Variants in CCSER2 observed in about 807,000 individuals in gnomAD.
CCSER2 encodes coiled-coil serine rich protein 2.
A neutral mutation model predicts 92.3 loss-of-function variants in CCSER2; 46 were observed. The observed-to-expected ratio is 0.50, with a 90% CI of 0.39 to 0.64. The LOEUF is 0.64. CCSER2 is among the 30% of genes least tolerant of loss of function. The pLI is 0.00. For missense variants in CCSER2, 1,244 were observed against 1,238.9 expected (o/e 1.00, Z -0.06); for synonymous variants, 433 against 431.4 (o/e 1.00, Z -0.04).
intron 3 of CCSER2, among the ~76,000 whole-genome samples, chr10:84,404,483 G>A (rs796167834): frequency 3.9e-5 from 6 of 152,238 alleles, no homozygotes; most frequent in African/African-American, 1.4e-4. Flanking sequence ...TGGTACAAAC[G>A]GGATATGGAG....
At chr10:84,361,438 T>C (rs1845494095) in intron 1 of CCSER2, among the ~76,000 whole-genome samples, 1 of 152,136 alleles carries the variant, frequency 6.6e-6, no homozygotes, top group Admixed American at 6.5e-5. Context: ...GGTTTTTAGG[T>C]AGGAGTGATA....
chr10:84,470,598 C>A, intron 8 of CCSER2, 140 bp downstream of exon 8: 2 of 553,926 alleles, frequency 3.6e-6, no homozygotes, highest in Non-Finnish European at 5.4e-6. Context: ...AGATTATATG[C>A]ACTGTAATAA....
chr10:84,388,140 G>A (rs1841327205), intron 3 of CCSER2, among the ~76,000 whole-genome samples: 1 of 152,234 alleles, frequency 6.6e-6, no homozygotes, highest in Admixed American at 6.5e-5. Context: ...TGGGATTACA[G>A]CGCTCCTGGC....
chr10:84,442,016 A>G (rs1416584155), intron 6 of CCSER2, among the ~76,000 whole-genome samples: 2 of 152,016 alleles, frequency 1.3e-5, no homozygotes, highest in East Asian at 1.9e-4. Flanking sequence ...TCGGCCTCCC[A>G]AAGTGCTGGG....
At chr10:84,336,316 G>T (rs187906639) in intron 1 of CCSER2, among the ~76,000 whole-genome samples, 1 of 152,300 alleles carries the variant, frequency 6.6e-6, no homozygotes, top group Non-Finnish European at 1.5e-5. Context: ...TTCTGCCTTT[G>T]TGGAGCTTAC....
At chr10:84,475,305 A>C (rs528934255) in intron 8 of CCSER2, among the ~76,000 whole-genome samples, 179 of 152,302 alleles carry the variant, frequency 1.2e-3, no homozygotes, top group Non-Finnish European at 2.2e-3. Flanking sequence ...GCATCTGTAC[A>C]GTCTGTCAGC....
chr10:84,441,026 G>A (rs1181199267), intron 6 of CCSER2, among the ~76,000 whole-genome samples: 1 of 152,128 alleles, frequency 6.6e-6, no homozygotes, highest in East Asian at 1.9e-4. Flanking sequence ...TGTTGTAGTT[G>A]GTTGGTTGGT....
intron 8 of CCSER2, among the ~76,000 whole-genome samples, chr10:84,476,078 C>T (rs939857556): frequency 2.0e-4 from 30 of 152,110 alleles, no homozygotes; most frequent in Non-Finnish European, 8.8e-5. Flanking sequence ...CCAAGCAATC[C>T]GCCAGCCACA....
At chr10:84,396,779 G>C (rs763502498) in intron 3 of CCSER2, among the ~76,000 whole-genome samples, 15 of 152,062 alleles carry the variant, frequency 9.9e-5, no homozygotes, top group African/African-American at 3.4e-4. Flanking sequence ...TTAAGTGATC[G>C]ACCCGTCTTG....
chr10:84,477,733 T>C, intron 9 of CCSER2, 69 bp downstream of exon 9: 1 of 826,088 alleles, frequency 1.2e-6, no homozygotes, highest in Non-Finnish European at 2.0e-6. Flanking sequence ...TCACTCTTTT[T>C]ACAGCAATCT....
Position 84,391,046 on chromosome 10 carries a change from G to T in CCSER2, c.1614+17231G>T, listed in dbSNP as rs1369854211. On this transcript the variant is annotated intron_variant, in intron 3 of 9. Coordinates refer to ENST00000372088, the MANE Select transcript of CCSER2 (RefSeq NM_001284240.2). The stretch of plus-strand genomic sequence containing the variant: ...TTAGGAACATTAGCAGATTCAGTAG[G>T]ACATCATTCAAACAAACCAGAATAT... The T allele has an allele frequency of 1.7e-5, 13 of 777,254 alleles. No individual in the cohort carries two copies. The Middle Eastern group carries it at 6.8e-4, about 40-fold the overall frequency. The allele number at this position is 777,254 out of a possible 1,614,324, so 48.1% of individuals were successfully genotyped here. A position where few individuals can be genotyped will look rare whatever the true frequency, so the allele number is the denominator to read the frequency against.
At chr10:84,493,936 A>G (rs1371370051) in intron 9 of CCSER2, among the ~76,000 whole-genome samples, 2 of 152,222 alleles carry the variant, frequency 1.3e-5, no homozygotes, top group Non-Finnish European at 2.9e-5. Flanking sequence ...GGAGACAGTG[A>G]CAGATTATCT....
At chr10:84,411,000 G>C in intron 3 of CCSER2, among the ~76,000 whole-genome samples, 1 of 152,298 alleles carries the variant, frequency 6.6e-6, no homozygotes, top group Non-Finnish European at 1.5e-5. Flanking sequence ...AGTTCTTCCA[G>C]CACCATTTAT....
intron 3 of CCSER2, among the ~76,000 whole-genome samples, chr10:84,396,149 T>C (rs1841818035): frequency 1.3e-5 from 2 of 151,666 alleles, no homozygotes; most frequent in African/African-American, 4.8e-5. Flanking sequence ...GAAACTTGGT[T>C]TCTCAACCAC....
At chr10:84,330,692 A>AT (rs1311509915) in intron 1 of CCSER2, among the ~76,000 whole-genome samples, 1 of 152,082 alleles carries the variant, frequency 6.6e-6, no homozygotes, top group Non-Finnish European at 1.5e-5. Context: ...TTTTTTTAGT[A>AT]GAGACGGGTT....
intron 1 of CCSER2, among the ~76,000 whole-genome samples, chr10:84,363,752 AT>A (rs752848754): frequency 5.3e-5 from 8 of 152,204 alleles, no homozygotes; most frequent in Non-Finnish European, 8.8e-5. Context: ...GACATTAGCC[AT>A]TCAGTCCCTT....
At chr10:84,414,703 A>G (rs1173147082) in intron 3 of CCSER2, among the ~76,000 whole-genome samples, 2 of 152,058 alleles carry the variant, frequency 1.3e-5, no homozygotes, top group African/African-American at 4.8e-5. Flanking sequence ...CTGTCTTGCT[A>G]CACAGGGGAA....
intron 3 of CCSER2, among the ~76,000 whole-genome samples, chr10:84,380,276 G>A (rs201125695): frequency 6.6e-5 from 10 of 151,942 alleles, no homozygotes; most frequent in African/African-American, 2.4e-4. Flanking sequence ...TGGCAGTTTT[G>A]TTTCCTTTTA....
At chr10:84,443,562 A>G (rs1464669897) in intron 6 of CCSER2, among the ~76,000 whole-genome samples, 2 of 152,242 alleles carry the variant, frequency 1.3e-5, no homozygotes, top group Non-Finnish European at 2.9e-5. Context: ...AATTAGTTCA[A>G]CCATTGTGGA....
Sources: gnomAD v4.1 joint callset for allele counts (sites outside exome capture counted in the v4.1 genomes callset) on GRCh38, gnomAD v4.1.1 for gene constraint, MANE v1.5 for transcripts, NCBI Gene and HGNC (gene_info 2026-07-23, HGNC 2026-07-21) for gene names.